SCAF8: variants seen among roughly 807,000 people sequenced by gnomAD.
The protein encoded by SCAF8 is SR-related CTD associated factor 8.
SCAF8 carries 23 observed loss-of-function variants against 140.5 expected under a neutral mutation model. That is an observed-to-expected ratio of 0.16 (90% CI 0.12 to 0.23). The LOEUF (loss-of-function observed/expected upper bound fraction) is 0.23. SCAF8 is among the 10% of genes least tolerant of loss of function. SCAF8 has a pLI of 1.00. For missense variants in SCAF8, 1,397 were observed against 1,555.7 expected (o/e 0.90, Z 1.72); for synonymous variants, 575 against 528.9 (o/e 1.09, Z -1.20).
At chr6:154,777,863 A>G (rs1776961901) in intron 2 of SCAF8, 138 bp from the exon 3 acceptor site, 2 of 628,036 alleles carry the variant, frequency 3.2e-6, no homozygotes, top group South Asian at 3.5e-5. Flanking sequence ...GTGAGTGACA[A>G]GAATGTTTGT....
intron 10 of SCAF8, 34 bp downstream of exon 10, chr6:154,808,235 C>A (rs182653114): frequency 6.3e-7 from 1 of 1,575,162 alleles, no homozygotes; most frequent in Non-Finnish European, 8.7e-7. Flanking sequence ...TCATAAATTT[C>A]TAAAAGTAGC....
rs1778234013 is a variant in SCAF8 at position 154,815,889 on chromosome 6, TC to T, written c.1521+75del. 7 of 811,536 alleles carry T rather than the reference TC, an allele frequency of 8.6e-6. No individual in the cohort carries two copies. In the Admixed American group the frequency reaches 1.4e-4, roughly 16 times the overall value. The allele number at this position is 811,536 out of a possible 1,614,324, so 50.3% of individuals were successfully genotyped here. On this transcript the variant is annotated intron_variant, in intron 13 of 19. Transcript: ENST00000367178. ...TATTAATACAAAGAATCACTTCTGTTCCTAATTAGCCCAGTAATGTCTGCCT... is the reference window on the plus strand; with the variant it reads ...TATTAATACAAAGAATCACTTCTGTTCTAATTAGCCCAGTAATGTCTGCCT...
Position 154,774,013 on chromosome 6 carries a change from C to A in SCAF8, c.55C>A (p.Pro19Thr), listed in dbSNP as rs1449778928. 1.9e-6 allele frequency: 3 copies of A among 1,612,644 alleles called. No individual in the cohort carries two copies. The highest frequency in any genetic ancestry group is 2.5e-6 in the Non-Finnish European group (3 of 1,178,830). Residue 19 changes from proline to threonine, a missense_variant, in exon 2 of 20, where the codon CCA (proline) becomes ACA (threonine). Around this residue, in one of 5 missense-constraint regions of SCAF8, gnomAD observed 26 missense variants for 20.9 expected, o/e 1.25. Transcript: ENST00000367178. ...SELYSLNDYK[P>T]PISKAKMTQI... ...GTTGTATTCCCTGAATGACTATAAA[C>A]CACCCATTTCGAAAGCGAAAATGAC...
intron 1 of SCAF8, among the ~76,000 whole-genome samples, chr6:154,754,465 C>G (rs540434793): frequency 6.6e-6 from 1 of 152,192 alleles, no homozygotes; most frequent in African/African-American, 2.4e-5. Context: ...ATTTGAGACA[C>G]AGTTCCATAA....
intron 1 of SCAF8, among the ~76,000 whole-genome samples, chr6:154,769,417 T>C (rs1776673944): frequency 6.6e-6 from 1 of 152,224 alleles, no homozygotes; most frequent in African/African-American, 2.4e-5. Context: ...TAATGTGTTG[T>C]CAAGCACAGA....
chr6:154,794,956 CTTAG>C, intron 5 of SCAF8, 49 bp from the exon 6 acceptor site: 3 of 1,484,210 alleles, frequency 2.0e-6, no homozygotes, highest in East Asian at 2.4e-5. Flanking sequence ...TTTTTCTAGT[CTTAG>C]TTACTTACTT....
chr6:154,819,178 T>TAA (rs1778342000), intron 14 of SCAF8, among the ~76,000 whole-genome samples: 1 of 152,214 alleles, frequency 6.6e-6, no homozygotes, highest in African/African-American at 2.4e-5. Flanking sequence ...GCAACTGAAT[T>TAA]AAAAACTTTA....
At chr6:154,784,120 G>GATATATATATATATATATATATAT (rs72135986) in intron 3 of SCAF8, among the ~76,000 whole-genome samples, 7 of 106,870 alleles carry the variant, frequency 6.6e-5, no homozygotes, top group South Asian at 2.9e-4. Context: ...GGTGTCTTGA[G>GATATATATATATATATATATATAT]ATATATATAT....
At position 154,832,349 on chromosome 6, in the gene SCAF8, T is replaced by G; in HGVS notation, c.2770T>G (p.Leu924Val). The change falls in exon 20 of 20, where the codon TTA becomes GTA. Residue 924 changes from leucine (L) to valine (V), a missense_variant. This residue lies in a region of SCAF8 where 930 missense variants were observed against 874.6 expected (regional missense o/e 1.06). Transcript: ENST00000367178. ...TCAAAGGATGCCCACAATGCCAATG[T>G]TAGACATTCGTCCGGGACTAATACC... ...PNQRMPTMPMLDIRPGLIPQA... is the reference protein window; with the variant it reads ...PNQRMPTMPMVDIRPGLIPQA... 6.2e-7 allele frequency: 1 copy of G among 1,614,064 alleles called. No homozygotes were observed. Among genetic ancestry groups the G allele is most frequent in the East Asian group, 2.2e-5 (1 of 44,890 alleles).
Position 154,822,333 on chromosome 6 carries a change from G to A in SCAF8, c.1850G>A (p.Ser617Asn), listed in dbSNP as rs1778442817. ...AAAGAGACGGTCCAGACAACTCAGAGCCCAACTCCAGTTGAAAAGGAGACA... is the reference window on the plus strand; with the variant it reads ...AAAGAGACGGTCCAGACAACTCAGAACCCAACTCCAGTTGAAAAGGAGACA... The part of the protein sequence containing the change: ...PVKETVQTTQ[S>N]PTPVEKETVV... Residue 617 changes from serine to asparagine, a missense_variant, in exon 16 of 20, where the codon AGC (serine) becomes AAC (asparagine). Physicochemically the swap from Ser to Asn is conservative, Grantham distance 46. This residue lies in a region of SCAF8 where 930 missense variants were observed against 874.6 expected (regional missense o/e 1.06). Transcript: ENST00000367178. 1 of 1,613,778 alleles carries A rather than the reference G, an allele frequency of 6.2e-7. No homozygotes were observed. The highest frequency in any genetic ancestry group is 8.5e-7 in the Non-Finnish European group (1 of 1,179,772).
chr6:154,738,665 T>C (rs1778490444), intron 1 of SCAF8, among the ~76,000 whole-genome samples: 1 of 152,230 alleles, frequency 6.6e-6, no homozygotes, highest in South Asian at 2.1e-4. Context: ...GAGTGCAAGC[T>C]ATTGCAGTTG....
intron 5 of SCAF8, among the ~76,000 whole-genome samples, chr6:154,794,770 G>GT (rs1222701751): frequency 1.1e-4 from 7 of 65,664 alleles, no homozygotes; most frequent in Non-Finnish European, 1.7e-4. Flanking sequence ...GGGGGGGGGG[G>GT]GGTGTGGGGG....
At chr6:154,766,669 C>CCTTT (rs1554258917) in intron 1 of SCAF8, among the ~76,000 whole-genome samples, 863 of 82,312 alleles carry the variant, frequency 0.01, 11 homozygotes, top group East Asian at 0.029. Flanking sequence ...ACCCCCCCCC[C>CCTTT]TTTTTTTTTT....
chr6:154,816,659 G>A (rs926957216), intron 13 of SCAF8, among the ~76,000 whole-genome samples: 3 of 152,102 alleles, frequency 2.0e-5, no homozygotes, highest in African/African-American at 4.8e-5. Flanking sequence ...ATTCCCTGTG[G>A]TTACAGTTTT....
chr6:154,782,307 G>A (rs886945433), intron 3 of SCAF8, among the ~76,000 whole-genome samples: 3 of 152,148 alleles, frequency 2.0e-5, no homozygotes, highest in African/African-American at 7.2e-5. Context: ...TGCTTATGTG[G>A]GTGAGGTGGA....
At chr6:154,788,047 GT>G in intron 4 of SCAF8, 25 bp downstream of exon 4, 6 of 1,493,636 alleles carry the variant, frequency 4.0e-6, no homozygotes, top group South Asian at 3.8e-5. Context: ...TTTTTTTTTT[GT>G]TTTTTTAAAA....
chr6:154,788,083 T>TTA, intron 4 of SCAF8, 61 bp downstream of exon 4: 1 of 1,375,294 alleles, frequency 7.3e-7, no homozygotes, highest in Non-Finnish European at 1.0e-6. Flanking sequence ...CTCTTGGTCT[T>TTA]AATTAGTCTT....
intron 1 of SCAF8, among the ~76,000 whole-genome samples, chr6:154,764,334 A>G (rs1217928222): frequency 6.6e-6 from 1 of 151,626 alleles, no homozygotes; most frequent in Non-Finnish European, 1.5e-5. Flanking sequence ...TTTCATTGAA[A>G]TGATAAGTCT....
At chr6:154,802,632 T>A (rs998075690) in intron 7 of SCAF8, among the ~76,000 whole-genome samples, 2 of 151,990 alleles carry the variant, frequency 1.3e-5, no homozygotes, top group African/African-American at 4.8e-5. Flanking sequence ...AAAAAAAATT[T>A]TTTTTGAAAC....
Sources: allele counts gnomAD v4.1 joint callset (sites outside exome capture counted in the v4.1 genomes callset), GRCh38; gene constraint gnomAD v4.1.1; regional missense constraint gnomAD v4.1.1; transcripts MANE v1.5; gene names NCBI Gene and HGNC (gene_info 2026-07-23, HGNC 2026-07-21).